SYN3: variants seen among roughly 807,000 people sequenced by gnomAD.
SYN3 encodes synapsin III.
Under a neutral mutation model 65.8 loss-of-function variants are expected in SYN3, and 35 were observed. The observed-to-expected ratio is 0.53, with a 90% CI of 0.41 to 0.70. The LOEUF is 0.70. Among genes scored for constraint, SYN3 ranks in the 30% least tolerant of loss-of-function variants. The pLI is 0.00. For synonymous variants in SYN3, 270 were observed against 292.9 expected (o/e 0.92, Z 0.80); for missense variants, 680 against 749.0 (o/e 0.91, Z 1.08).
chr22:32,949,816 T>A lies in SYN3; in HGVS notation c.370-18335A>T, dbSNP rs12157614. On this transcript the variant is annotated intron_variant, in intron 3 of 13. Coordinates refer to ENST00000358763, the MANE Select transcript of SYN3 (RefSeq NM_003490.4). ...GCATGTTATTAGGCCAACAGGTCAA[T>A]AGGAAAGAAGCAGAAATCGAGACAT... is the stretch of plus-strand genomic sequence containing the variant. Among the ~76,000 whole-genome samples the A allele has an allele frequency of 9.8e-3, 1,494 of 152,196 alleles. 23 individuals are homozygous for A. Among genetic ancestry groups the A allele is most frequent in the African/African-American group, 0.034 (1,427 of 41,524 alleles).
intron 3 of SYN3, chr22:32,947,398 T>C (rs2051146588): frequency 6.6e-6 from 1 of 152,210 alleles, no homozygotes; most frequent in African/African-American, 2.4e-5. Context: ...ACAGTAGGTA[T>C]TCAAAAATAC....
At chr22:32,605,675 T>C (rs1338703803) in intron 6 of SYN3, among the ~76,000 whole-genome samples, 5 of 152,212 alleles carry the variant, frequency 3.3e-5, no homozygotes, top group Admixed American at 2.0e-4. Context: ...CACCCGCCCC[T>C]GCTCCCTCCT....
intron 6 of SYN3, among the ~76,000 whole-genome samples, chr22:32,855,104 T>C (rs578095382): frequency 4.6e-5 from 7 of 152,316 alleles, no homozygotes; most frequent in Admixed American, 3.9e-4. Context: ...TTATAAACCC[T>C]TGGGACAAGC....
rs575825700 is a variant in SYN3, at chr22:32,738,216, A to G, written c.711+126699T>C. ...TTTCAAGAGGGCTCTGGGTTTGTTAATAACATATGAGGGAAAGACTCTCTC... is the reference window on the plus strand; with the variant it reads ...TTTCAAGAGGGCTCTGGGTTTGTTAGTAACATATGAGGGAAAGACTCTCTC... On this transcript the variant is annotated intron_variant, in intron 6 of 13. Transcript: ENST00000358763. Among the ~76,000 whole-genome samples the G allele has an allele frequency of 3.3e-5, 5 of 152,298 alleles. No homozygotes were observed. In the East Asian group the frequency reaches 9.6e-4, roughly 29 times the overall value.
chr22:32,671,526 C>A (rs1303497886), intron 6 of SYN3, among the ~76,000 whole-genome samples: 1 of 151,564 alleles, frequency 6.6e-6, no homozygotes, highest in East Asian at 1.9e-4. Flanking sequence ...CACAGCTACA[C>A]ATACACACGC....
intron 2 of SYN3, among the ~76,000 whole-genome samples, chr22:33,005,976 C>G (rs2053185117): frequency 6.6e-6 from 1 of 152,192 alleles, no homozygotes; most frequent in African/African-American, 2.4e-5. Context: ...CAAACACATT[C>G]AGATGCTTGC....
At chr22:32,918,030 G>A (rs889601506) in intron 4 of SYN3, among the ~76,000 whole-genome samples, 2 of 152,218 alleles carry the variant, frequency 1.3e-5, no homozygotes, top group African/African-American at 2.4e-5. Context: ...CCACATCCCC[G>A]CCTGGGGACA....
chr22:32,636,269 G>GAC (rs1355206468), intron 6 of SYN3, among the ~76,000 whole-genome samples: 4 of 152,092 alleles, frequency 2.6e-5, no homozygotes, highest in African/African-American at 9.7e-5. Flanking sequence ...GGGCGTGGTG[G>GAC]CCAGTGCCTG....
chr22:33,057,574 T>G (rs1202691117), intron 1 of SYN3: 1 of 152,536 alleles, frequency 6.6e-6, no homozygotes, highest in Non-Finnish European at 1.5e-5. Context: ...ACCGTCCTCT[T>G]CTCCATCTCG....
chr22:32,563,993 G>C (rs2058623241), intron 7 of SYN3, among the ~76,000 whole-genome samples: 1 of 152,146 alleles, frequency 6.6e-6, no homozygotes, highest in African/African-American at 2.4e-5. Context: ...AGCAGAGGAA[G>C]TGAGGTAGCC....
intron 6 of SYN3, among the ~76,000 whole-genome samples, chr22:32,757,312 T>TG (rs2045320837): frequency 6.7e-6 from 1 of 148,270 alleles, no homozygotes; most frequent in Admixed American, 6.7e-5. Flanking sequence ...TTTTTTTTTT[T>TG]TTGAGGTGGA....
At position 32,577,348 on chromosome 22, in the gene SYN3, C is replaced by T. The variant is rs147506653; in HGVS notation, c.774+19326G>A. The stretch of plus-strand genomic sequence containing the variant: ...ATGGAAGTCTTCCCTGGGACCCCCT[C>T]GAAGGGGCTCCTGTTGCCCATGACA... On this transcript the variant is annotated intron_variant, in intron 7 of 13. Transcript: ENST00000358763. 5.9e-3 allele frequency among the ~76,000 whole-genome samples: 898 copies of T among 152,250 alleles called. 6 individuals are homozygous for T. Among genetic ancestry groups the T allele is most frequent in the Non-Finnish European group, 9.8e-3 (667 of 68,020 alleles).
At chr22:32,825,709 G>A (rs1276351562) in intron 6 of SYN3, among the ~76,000 whole-genome samples, 1 of 130,118 alleles carries the variant, frequency 7.7e-6, no homozygotes, top group East Asian at 2.5e-4. Context: ...ATGTGTGTAT[G>A]TGTGTATGCT....
At chr22:32,940,338 A>G (rs2050900293) in intron 3 of SYN3, among the ~76,000 whole-genome samples, 1 of 152,158 alleles carries the variant, frequency 6.6e-6, no homozygotes, top group African/African-American at 2.4e-5. Flanking sequence ...TTTTTTAACG[A>G]AGAATATATT....
intron 1 of SYN3, among the ~76,000 whole-genome samples, chr22:33,032,504 CA>C (rs111721615): frequency 2.8e-3 from 369 of 132,234 alleles, no homozygotes; most frequent in African/African-American, 4.0e-3. Context: ...GACTCCATCT[CA>C]AAAAAAAAAA....
intron 4 of SYN3, among the ~76,000 whole-genome samples, chr22:32,882,302 C>A (rs1415219653): frequency 6.6e-6 from 1 of 152,178 alleles, no homozygotes; most frequent in African/African-American, 2.4e-5. Flanking sequence ...GACTTTCCCA[C>A]TCTGACCGCC....
At chr22:32,908,880 A>G (rs536148964) in intron 4 of SYN3, among the ~76,000 whole-genome samples, 1 of 152,322 alleles carries the variant, frequency 6.6e-6, no homozygotes, top group East Asian at 1.9e-4. Flanking sequence ...GAATTAAGAC[A>G]TCCTAAAAAA....
intron 10 of SYN3, among the ~76,000 whole-genome samples, chr22:32,530,435 C>T (rs2058049755): frequency 1.3e-5 from 2 of 152,156 alleles, no homozygotes; most frequent in Admixed American, 1.3e-4. Context: ...ACGGTCCTCC[C>T]ACTGCATCAG....
intron 6 of SYN3, among the ~76,000 whole-genome samples, chr22:32,739,152 T>TG (rs895229249): frequency 1.3e-5 from 2 of 148,204 alleles, no homozygotes; most frequent in Non-Finnish European, 3.0e-5. Flanking sequence ...GGAAGAGACC[T>TG]GGTGGGAGAT....
Sources: allele counts gnomAD v4.1 joint callset (sites outside exome capture counted in the v4.1 genomes callset), GRCh38; gene constraint gnomAD v4.1.1; transcripts MANE v1.5; gene names NCBI Gene and HGNC (gene_info 2026-07-23, HGNC 2026-07-21).